The following RAB27A variants were observed in gnomAD, a reference collection of about 807,000 sequenced individuals.
RAB27A encodes ras-related protein Rab-27A.
In RAB27A, 17 loss-of-function variants were observed where a neutral mutation model predicts 20.8. The ratio of observed to expected loss-of-function variants is 0.82; its 90% CI spans 0.56 to 1.23. The LOEUF is 1.23. Ranked by LOEUF, RAB27A falls within the 50% of genes most tolerant of loss-of-function variation. RAB27A has a pLI of 0.00. For synonymous variants in RAB27A, 85 were observed against 92.8 expected, an observed-to-expected ratio of 0.92 and a Z score of 0.48; for missense variants, 277 against 266.7, an observed-to-expected ratio of 1.04 and a Z score of -0.27.
chr15:55,285,657 G>C (rs2141128528), intron 1 of RAB27A, among the ~76,000 whole-genome samples: 1 of 152,300 alleles, frequency 6.6e-6, no homozygotes, highest in South Asian at 2.1e-4. Flanking sequence ...AAAAGTGAAG[G>C]CTATAGAAGG....
intron 2 of RAB27A, among the ~76,000 whole-genome samples, chr15:55,309,763 G>A (rs1360379717): frequency 6.6e-6 from 1 of 151,968 alleles, no homozygotes; most frequent in Non-Finnish European, 1.5e-5. Context: ...TGGCCTCATT[G>A]ATAATCCCGA....
chr15:55,300,221 A>T (rs775983186), intron 2 of RAB27A, among the ~76,000 whole-genome samples: 9 of 152,110 alleles, frequency 5.9e-5, no homozygotes, highest in Non-Finnish European at 1.0e-4. Context: ...CGTATGACTT[A>T]CTCTCAAAAG....
At chr15:55,292,845 G>A (rs898498851), upstream of RAB27A, among the ~76,000 whole-genome samples, 2 of 152,208 alleles carry the variant, frequency 1.3e-5, no homozygotes, top group African/African-American at 4.8e-5. Context: ...AATCTAGAAA[G>A]TGAGCTGAGA....
At chr15:55,239,752 G>A (rs981563319) in intron 2 of RAB27A, among the ~76,000 whole-genome samples, 4 of 152,154 alleles carry the variant, frequency 2.6e-5, no homozygotes, top group African/African-American at 4.8e-5. Flanking sequence ...ACGCTGACCA[G>A]GCTGGTCTGG....
intron 2 of RAB27A, among the ~76,000 whole-genome samples, chr15:55,306,225 C>G (rs543891753): frequency 6.6e-6 from 1 of 152,174 alleles, no homozygotes; most frequent in East Asian, 1.9e-4. Flanking sequence ...AACAAGAGGT[C>G]CTACTAAAAC....
chr15:55,277,069 G>C (rs113040510), intron 1 of RAB27A, among the ~76,000 whole-genome samples: 12 of 152,248 alleles, frequency 7.9e-5, no homozygotes, highest in African/African-American at 2.4e-4. Context: ...AGGAACAAAT[G>C]AACAAACTCA....
chr15:55,240,858 C>A (rs1896450413), intron 2 of RAB27A, among the ~76,000 whole-genome samples: 1 of 152,060 alleles, frequency 6.6e-6, no homozygotes, highest in Non-Finnish European at 1.5e-5. Context: ...ATTGCAATTG[C>A]AATAGAGATA....
chr15:55,274,380 A>G (rs1897790236), intron 1 of RAB27A, among the ~76,000 whole-genome samples: 1 of 152,190 alleles, frequency 6.6e-6, no homozygotes. Flanking sequence ...AGAAGAAAGA[A>G]TGAAATAATA....
intron 2 of RAB27A, among the ~76,000 whole-genome samples, chr15:55,299,515 A>C (rs1367514277): frequency 3.3e-5 from 5 of 150,702 alleles, no homozygotes; most frequent in African/African-American, 9.8e-5. Flanking sequence ...AATTGCTCCA[A>C]CCCAGGAGGC....
intron 6 of RAB27A, among the ~76,000 whole-genome samples, chr15:55,213,243 T>C (rs1895112654): frequency 6.6e-6 from 1 of 152,258 alleles, no homozygotes; most frequent in Admixed American, 6.5e-5. Flanking sequence ...CCACGATTAC[T>C]GTTCTTGAAG....
chr15:55,214,868 T>C (rs192516271), intron 6 of RAB27A, among the ~76,000 whole-genome samples: 146 of 152,310 alleles, frequency 9.6e-4, no homozygotes, highest in African/African-American at 3.3e-3. Context: ...ATGCCATTGT[T>C]ACAAGAATAG....
At chr15:55,281,038 G>A (rs1426546198) in intron 1 of RAB27A, among the ~76,000 whole-genome samples, 1 of 152,158 alleles carries the variant, frequency 6.6e-6, no homozygotes, top group African/African-American at 2.4e-5. Context: ...TGGGATTGCT[G>A]GGTCAAATGG....
intron 2 of RAB27A, among the ~76,000 whole-genome samples, chr15:55,243,316 T>C (rs1392303244): frequency 1.3e-5 from 2 of 152,168 alleles, no homozygotes; most frequent in Non-Finnish European, 2.9e-5. Context: ...ACCTGTAGAA[T>C]TGCTCGGCCC....
Position 55,265,553 on chromosome 15 carries a change from A to T in RAB27A, c.-23+4612T>A, listed in dbSNP as rs531912879. 2.6e-5 allele frequency among the ~76,000 whole-genome samples: 4 copies of T among 152,280 alleles called. No individual in the cohort carries two copies. The South Asian group carries it at 8.3e-4, about 32-fold the overall frequency. On this transcript the variant is annotated intron_variant, in intron 2 of 6. Coordinates refer to ENST00000336787, the MANE Select transcript of RAB27A (RefSeq NM_183235.3). ...TTATCCTTTCAAGATAACAGAAACT[A>T]TAAGCAAATAATTCTTGATGCCAAT...
chr15:55,210,140 T>C (rs1047116143), intron 6 of RAB27A, among the ~76,000 whole-genome samples: 4 of 128,726 alleles, frequency 3.1e-5, no homozygotes, highest in Non-Finnish European at 6.4e-5. Context: ...AGTGTATATA[T>C]GTATGTGTAT....
At chr15:55,226,741 G>A (rs1011477581) in intron 5 of RAB27A, among the ~76,000 whole-genome samples, 33 of 151,682 alleles carry the variant, frequency 2.2e-4, no homozygotes, top group African/African-American at 7.5e-4. Flanking sequence ...GTTGGTGTGC[G>A]CCTGTAATCC....
At chr15:55,257,620 C>T (rs1897126715) in intron 2 of RAB27A, among the ~76,000 whole-genome samples, 2 of 152,208 alleles carry the variant, frequency 1.3e-5, no homozygotes, top group African/African-American at 4.8e-5. Context: ...TCTTAGGAGC[C>T]TGCAATAGGC....
chr15:55,261,214 T>A (rs1371709299), intron 2 of RAB27A, among the ~76,000 whole-genome samples: 1 of 147,838 alleles, frequency 6.8e-6, no homozygotes, highest in Non-Finnish European at 1.5e-5. Context: ...CTGGCCAAGA[T>A]GGTGAAACCC....
intron 6 of RAB27A, among the ~76,000 whole-genome samples, chr15:55,223,637 A>C (rs956561179): frequency 6.6e-6 from 1 of 152,162 alleles, no homozygotes; most frequent in Non-Finnish European, 1.5e-5. Flanking sequence ...CTCTGAGACA[A>C]CTCAAAGTTG....
Sources: allele counts gnomAD v4.1 joint callset (sites outside exome capture counted in the v4.1 genomes callset), GRCh38; gene constraint gnomAD v4.1.1; transcripts MANE v1.5; gene names NCBI Gene and HGNC (gene_info 2026-07-23, HGNC 2026-07-21).